Variants in SORCS1 observed in about 807,000 individuals in gnomAD.
The protein encoded by SORCS1 is sortilin related VPS10 domain containing receptor 1, also known as VPS10 domain-containing receptor SorCS1.
In SORCS1, 60 loss-of-function variants were observed where a neutral mutation model predicts 146.1. That is an observed-to-expected ratio of 0.41 (90% CI 0.33 to 0.51). The LOEUF (loss-of-function observed/expected upper bound fraction) is 0.51, where lower values mean the gene tolerates loss of function less well. Among genes scored for constraint, SORCS1 ranks in the 20% least tolerant of loss-of-function variants. SORCS1 has a pLI of 0.21. For missense variants in SORCS1, 1,352 were observed against 1,487.6 expected (o/e 0.91, Z 1.50); for synonymous variants, 637 against 584.0 (o/e 1.09, Z -1.31).
In SORCS1 at chr10:107,162,890, T is replaced by A. The variant is rs560232022; in HGVS notation, c.558+1079A>T. On this transcript the variant is annotated intron_variant, in intron 1 of 25. Coordinates refer to ENST00000263054, the MANE Select transcript of SORCS1 (RefSeq NM_052918.5). ...CTGGTTGAAGCTGTAAAACTTGAAA[T>A]TTTTTTCCCCCATTTTACCCATCCT... Among the ~76,000 whole-genome samples, 8 of 152,310 alleles carry A rather than the reference T, an allele frequency of 5.3e-5. No individual in the cohort carries two copies. In the East Asian group the frequency reaches 1.5e-3, roughly 29 times the overall value.
At chr10:106,623,809 G>A (rs1314287120) in intron 19 of SORCS1, among the ~76,000 whole-genome samples, 2 of 152,008 alleles carry the variant, frequency 1.3e-5, no homozygotes, top group African/African-American at 4.8e-5. Context: ...GGGATTACAG[G>A]GGCGTGCCAC....
intron 2 of SORCS1, among the ~76,000 whole-genome samples, chr10:106,945,869 G>C (rs1954312910): frequency 6.6e-6 from 1 of 152,218 alleles, no homozygotes; most frequent in South Asian, 2.1e-4. Flanking sequence ...TCTCAGGAAG[G>C]TCTATAGCAT....
intron 20 of SORCS1, 111 bp downstream of exon 20, chr10:106,620,317 C>T (rs1847654389): frequency 7.2e-7 from 1 of 1,392,124 alleles, no homozygotes; most frequent in African/African-American, 1.5e-5. Context: ...GTCCTTGAAG[C>T]TACAACTGCT....
intron 1 of SORCS1, among the ~76,000 whole-genome samples, chr10:106,959,706 T>A (rs910801701): frequency 1.3e-5 from 2 of 152,128 alleles, no homozygotes; most frequent in Non-Finnish European, 2.9e-5. Context: ...GAGATGGGAG[T>A]CTCGCTCTAT....
intron 1 of SORCS1, among the ~76,000 whole-genome samples, chr10:107,158,927 C>A (rs879265049): frequency 2.1e-5 from 3 of 145,710 alleles, no homozygotes; most frequent in Non-Finnish European, 4.5e-5. Context: ...TTCTGACAGT[C>A]AACATTCATG....
At chr10:106,748,261 C>T (rs1270289273) in intron 5 of SORCS1, among the ~76,000 whole-genome samples, 4 of 152,072 alleles carry the variant, frequency 2.6e-5, no homozygotes, top group African/African-American at 4.8e-5. Context: ...TTCATGTCTC[C>T]GTGCCACATT....
upstream of SORCS1, among the ~76,000 whole-genome samples, chr10:107,166,706 T>C (rs1970060327): frequency 6.6e-6 from 1 of 152,230 alleles, no homozygotes. Context: ...CTTAATGACT[T>C]CTTTCTATGC....
the SORCS1 span, among the ~76,000 whole-genome samples, chr10:107,170,545 T>C: frequency 1.3e-5 from 2 of 152,302 alleles, no homozygotes; most frequent in Non-Finnish European, 2.9e-5. Flanking sequence ...TTCAGTAGAC[T>C]CCTGTGGCAT....
At chr10:106,765,219 A>G (rs925816553) in intron 4 of SORCS1, among the ~76,000 whole-genome samples, 31 of 152,140 alleles carry the variant, frequency 2.0e-4, no homozygotes, top group Admixed American at 2.0e-3. Context: ...ACTACATTGC[A>G]TTAGTAAATA....
intron 1 of SORCS1, among the ~76,000 whole-genome samples, chr10:107,016,619 C>G (rs984301898): frequency 6.6e-6 from 1 of 152,150 alleles, no homozygotes; most frequent in Non-Finnish European, 1.5e-5. Flanking sequence ...TTGGAGTAAA[C>G]AAGGATTTCT....
At chr10:106,928,106 C>T (rs1953172973) in intron 2 of SORCS1, among the ~76,000 whole-genome samples, 1 of 152,268 alleles carries the variant, frequency 6.6e-6, no homozygotes, top group African/African-American at 2.4e-5. Context: ...CGTGCACCCG[C>T]ACTCCTCAGC....
intron 20 of SORCS1, 117 bp from the exon 21 acceptor site, chr10:106,618,389 C>T: frequency 7.7e-7 from 1 of 1,293,196 alleles, no homozygotes; most frequent in Non-Finnish European, 1.1e-6. Flanking sequence ...CCTGATGTAC[C>T]ACAATGGCAC....
chr10:106,855,302 A>G (rs752671991), intron 2 of SORCS1, among the ~76,000 whole-genome samples: 2 of 152,038 alleles, frequency 1.3e-5, no homozygotes, highest in Non-Finnish European at 2.9e-5. Context: ...TTTTTTTTAA[A>G]TCTTTGATTA....
chr10:106,779,269 T>C (rs1237577017), intron 3 of SORCS1, among the ~76,000 whole-genome samples: 3 of 152,170 alleles, frequency 2.0e-5, no homozygotes, highest in African/African-American at 7.2e-5. Context: ...TACAGAAACA[T>C]TCCAGTGGCT....
upstream of SORCS1, among the ~76,000 whole-genome samples, chr10:107,164,896 G>A (rs942513055): frequency 3.4e-5 from 5 of 147,906 alleles, no homozygotes; most frequent in African/African-American, 1.2e-4. This position sits in a 1 kb window ranked among gnomAD's most constrained non-coding sequence, Gnocchi z 6.8. Flanking sequence ...TGGAGGCGCC[G>A]CCGGCGACCT....
At chr10:107,093,009 T>C in intron 1 of SORCS1, among the ~76,000 whole-genome samples, 1 of 151,982 alleles carries the variant, frequency 6.6e-6, no homozygotes, top group East Asian at 1.9e-4. Context: ...GCTAGGGAGC[T>C]TTCTTTGGTA....
chr10:106,777,245 G>C (rs1355765343), intron 3 of SORCS1, among the ~76,000 whole-genome samples: 1 of 152,064 alleles, frequency 6.6e-6, no homozygotes, highest in African/African-American at 2.4e-5. Flanking sequence ...ATTTCACAAA[G>C]GCTATTTTAC....
intron 1 of SORCS1, among the ~76,000 whole-genome samples, chr10:107,112,010 A>G (rs1035495662): frequency 6.6e-6 from 1 of 152,188 alleles, no homozygotes; most frequent in Non-Finnish European, 1.5e-5. Flanking sequence ...TTTGAAAGAA[A>G]AGAGTTATTT....
chr10:106,994,141 C>T (rs568255471), intron 1 of SORCS1, among the ~76,000 whole-genome samples: 41 of 147,020 alleles, frequency 2.8e-4, no homozygotes, highest in African/African-American at 1.0e-3. Context: ...AAACAATAAA[C>T]CCACTTTGCT....
Sources: gnomAD v4.1 joint callset for allele counts (sites outside exome capture counted in the v4.1 genomes callset) on GRCh38, gnomAD v4.1.1 for gene constraint, Gnocchi (gnomAD v3.1) non-coding constraint, MANE v1.5 for transcripts, NCBI Gene and HGNC (gene_info 2026-07-23, HGNC 2026-07-21) for gene names.